The following MTA3 variants were observed in gnomAD, a reference collection of about 807,000 sequenced individuals.
MTA3 encodes metastasis-associated protein MTA3.
In MTA3, 34 loss-of-function variants were observed where a neutral mutation model predicts 83.5. The ratio of observed to expected loss-of-function variants is 0.41; its 90% CI spans 0.31 to 0.54. The LOEUF (loss-of-function observed/expected upper bound fraction) is 0.54, where lower values mean the gene tolerates loss of function less well. MTA3 is among the 20% of genes least tolerant of loss of function. The pLI is 0.33. For missense variants in MTA3, 761 were observed against 726.4 expected (o/e 1.05, Z -0.55); for synonymous variants, 303 against 252.7 (o/e 1.20, Z -1.89).
intron 6 of MTA3, among the ~76,000 whole-genome samples, chr2:42,654,571 A>G (rs1204856379): frequency 6.6e-6 from 1 of 152,128 alleles, no homozygotes; most frequent in Admixed American, 6.6e-5. Flanking sequence ...GAGACATTCT[A>G]AAGCAAAGCA....
chr2:42,640,937 T>C (rs1031288559), intron 5 of MTA3, among the ~76,000 whole-genome samples: 1 of 152,184 alleles, frequency 6.6e-6, no homozygotes, highest in African/African-American at 2.4e-5. Context: ...GACAAAGTCT[T>C]GCTCTGTCCC....
chr2:42,659,818 A>G lies in MTA3; in HGVS notation c.658A>G (p.Ser220Gly), dbSNP rs769837318. Residue 220 changes from serine (S) to glycine (G), a missense_variant, in exon 8 of 17, where the codon AGT becomes GGT. By Grantham distance (56) the Ser-to-Gly change is moderately conservative. Transcript: ENST00000405094. ...TTGCAGCAGTTCTGTGAGGCAGCCTAGTTTGCATATGAGTGCTGCTGCAGC... is the reference window on the plus strand; with the variant it reads ...TTGCAGCAGTTCTGTGAGGCAGCCTGGTTTGCATATGAGTGCTGCTGCAGC... Reference protein sequence around the residue: ...LDCSSSVRQPSLHMSAAAASR... With the variant: ...LDCSSSVRQPGLHMSAAAASR... 4 of 1,609,012 alleles carry G rather than the reference A, an allele frequency of 2.5e-6. No individual in the cohort carries two copies. The African/African-American group carries it at 4.0e-5, about 16-fold the overall frequency.
chr2:42,568,686 A>T lies in MTA3; in HGVS notation c.-60A>T. 8.8e-7 allele frequency: 1 copy of T among 1,142,694 alleles called. No homozygotes were observed. Among genetic ancestry groups the T allele is most frequent in the Non-Finnish European group, 1.1e-6 (1 of 927,884 alleles). The allele number at this position is 1,142,694 out of a possible 1,614,324, so 70.8% of individuals were successfully genotyped here. A position where few individuals can be genotyped will look rare whatever the true frequency, so the allele number is the denominator to read the frequency against. On this transcript the variant is annotated 5_prime_UTR_variant, in exon 1 of 17. Coordinates refer to ENST00000405094, the MANE Select transcript of MTA3 (RefSeq NM_001330442.2). Reference sequence around the variant, plus strand: ...GCAGCGGCGGTCGCGGCTGAGGCTGAGGAGGAGGCGGCGGCGGCGGGCGGG... The same window carrying T: ...GCAGCGGCGGTCGCGGCTGAGGCTGTGGAGGAGGCGGCGGCGGCGGGCGGG...
chr2:42,657,348 C>T (rs542167839), intron 7 of MTA3, among the ~76,000 whole-genome samples: 2 of 152,214 alleles, frequency 1.3e-5, no homozygotes, highest in Admixed American at 6.5e-5. Context: ...GAGTCCAGAG[C>T]CCATCACCTA....
At chr2:42,603,545 T>C (rs981811165) in intron 3 of MTA3, among the ~76,000 whole-genome samples, 9 of 152,232 alleles carry the variant, frequency 5.9e-5, no homozygotes, top group Non-Finnish European at 8.8e-5. Context: ...CCTGATTTGC[T>C]ATAGAATAAC....
intron 16 of MTA3, among the ~76,000 whole-genome samples, chr2:42,743,034 G>A (rs1251800977): frequency 1.3e-5 from 2 of 152,136 alleles, no homozygotes; most frequent in Non-Finnish European, 2.9e-5. Flanking sequence ...AGCTCCCTGT[G>A]GGCTCCTCTA....
chr2:42,501,755 A>G (rs536610907), intron 2 of MTA3, among the ~76,000 whole-genome samples: 1 of 152,270 alleles, frequency 6.6e-6, no homozygotes, highest in South Asian at 2.1e-4. Flanking sequence ...AGGCGTGTGG[A>G]TCACTTGCGG....
Position 42,695,858 on chromosome 2 carries a change from C to A in MTA3, c.966+19C>A. The A allele has an allele frequency of 1.4e-6, 2 of 1,461,238 alleles. No homozygotes were observed. The highest frequency in any genetic ancestry group is 2.0e-5 in the Admixed American group (1 of 49,104). 90.5% of individuals were successfully genotyped at this position (1,461,238 alleles called of 1,614,324 possible). A position where few individuals can be genotyped will look rare whatever the true frequency, so the allele number is the denominator to read the frequency against. On this transcript the variant is annotated intron_variant, in intron 10 of 16. Transcript: ENST00000405094. Reference sequence around the variant, plus strand: ...GCAACAGGTAATTTTTTTCATATTGCTACCAATATGGTTGCATTTAAGTGA... The same window carrying A: ...GCAACAGGTAATTTTTTTCATATTGATACCAATATGGTTGCATTTAAGTGA...
At chr2:42,650,503 G>T (rs923270829) in intron 6 of MTA3, among the ~76,000 whole-genome samples, 1 of 151,928 alleles carries the variant, frequency 6.6e-6, no homozygotes, top group Admixed American at 6.5e-5. Context: ...GCAGTGGCAC[G>T]ATCTCGGTTC....
intron 4 of MTA3, among the ~76,000 whole-genome samples, chr2:42,636,626 CTTTT>C (rs869057645): frequency 7.7e-6 from 1 of 130,064 alleles, no homozygotes; most frequent in Admixed American, 7.8e-5. Context: ...CTCTTTCTTT[CTTTT>C]TTTTTTTTTT....
rs193017641 is a variant in MTA3 at position 42,756,835 on chromosome 2, C to T, written c.*3436C>T. On this transcript the variant is annotated 3_prime_UTR_variant, in exon 17 of 17. Transcript: ENST00000405094. ...ACGCACCTGTGCTCATGAGTGTTTC[C>T]GCAGGATAATTCGTTCTGAGCATGA... is the stretch of plus-strand genomic sequence containing the variant. The T allele has an allele frequency of 2.6e-5, 26 of 985,430 alleles. No homozygotes were observed. The highest frequency in any genetic ancestry group is 5.2e-4 in the Middle Eastern group (1 of 1,914). 61.0% of individuals were successfully genotyped at this position (985,430 alleles called of 1,614,324 possible). A position where few individuals can be genotyped will look rare whatever the true frequency, so the allele number is the denominator to read the frequency against.
chr2:42,558,360 C>T (rs1467384945), intron 2 of MTA3, among the ~76,000 whole-genome samples: 1 of 151,206 alleles, frequency 6.6e-6, no homozygotes, highest in African/African-American at 2.4e-5. Flanking sequence ...TTCCTCTCAG[C>T]CTCCCAAGTA....
chr2:42,623,633 T>C (rs1316991951), intron 4 of MTA3, among the ~76,000 whole-genome samples: 1 of 152,144 alleles, frequency 6.6e-6, no homozygotes, highest in Admixed American at 6.6e-5. Context: ...ACTGTTTGGA[T>C]TTTGCTGATT....
chr2:42,756,144 C>A lies in MTA3; in HGVS notation c.*2745C>A. On this transcript the variant is annotated 3_prime_UTR_variant, in exon 17 of 17. Coordinates refer to ENST00000405094, the MANE Select transcript of MTA3 (RefSeq NM_001330442.2). ...AGAGGTGGGGAACAACAACAGCAAG[C>A]CGCCCCCATCCTGAGACTGGCTGGG... is the stretch of plus-strand genomic sequence containing the variant. 1 of 475,542 alleles carries A rather than the reference C, an allele frequency of 2.1e-6. No homozygotes were observed. Among genetic ancestry groups the A allele is most frequent in the Non-Finnish European group, 2.8e-6 (1 of 363,504 alleles). The allele number at this position is 475,542 out of a possible 1,614,324, so 29.5% of individuals were successfully genotyped here.
At chr2:42,509,258 G>A (rs1385310120) in intron 2 of MTA3, among the ~76,000 whole-genome samples, 1 of 152,054 alleles carries the variant, frequency 6.6e-6, no homozygotes, top group Admixed American at 6.6e-5. Flanking sequence ...GACCAGGCTG[G>A]TCTTGAACTC....
At chr2:42,558,774 C>G (rs1677521769) in intron 2 of MTA3, among the ~76,000 whole-genome samples, 1 of 151,496 alleles carries the variant, frequency 6.6e-6, no homozygotes, top group African/African-American at 2.4e-5. Context: ...AGGCTGGTCT[C>G]AAACTCCTGA....
chr2:42,708,935 C>G lies in MTA3; in HGVS notation c.1364C>G (p.Thr455Ser), dbSNP rs1666357632. ...QAMQGMPVRNTGSPKSAVKTR... is the reference protein window; with the variant it reads ...QAMQGMPVRNSGSPKSAVKTR... ...ATGCAGGGAATGCCAGTCCGAAACACTGGGAGTCCAAAGTCTGCAGTGAAG... is the reference window on the plus strand; with the variant it reads ...ATGCAGGGAATGCCAGTCCGAAACAGTGGGAGTCCAAAGTCTGCAGTGAAG... Residue 455 changes from threonine (T) to serine (S), a missense_variant, in exon 14 of 17, where the codon ACT becomes AGT. Transcript: ENST00000405094. 1 of 1,614,010 alleles carries G rather than the reference C, an allele frequency of 6.2e-7. No individual in the cohort carries two copies. The highest frequency in any genetic ancestry group is 8.5e-7 in the Non-Finnish European group (1 of 1,179,892).
intron 8 of MTA3, among the ~76,000 whole-genome samples, chr2:42,677,479 A>G (rs1691481784): frequency 6.6e-6 from 1 of 151,972 alleles, no homozygotes; most frequent in African/African-American, 2.4e-5. Context: ...AGTAGCTGGG[A>G]TTACAGGCAT....
intron 4 of MTA3, among the ~76,000 whole-genome samples, chr2:42,621,158 A>G (rs1685496178): frequency 7.9e-6 from 1 of 126,632 alleles, no homozygotes; most frequent in Non-Finnish European, 1.6e-5. Flanking sequence ...TTAATTGATC[A>G]TTCTTGGGTG....
Sources: gnomAD v4.1 joint callset for allele counts (sites outside exome capture counted in the v4.1 genomes callset) on GRCh38, gnomAD v4.1.1 for gene constraint, MANE v1.5 for transcripts, NCBI Gene and HGNC (gene_info 2026-07-23, HGNC 2026-07-21) for gene names.